The following ZNF385D variants were observed in gnomAD, a reference collection of about 807,000 sequenced individuals.
ZNF385D encodes zinc finger protein 385D, also known as zinc finger protein 659.
In ZNF385D, 15 loss-of-function variants were observed where a neutral mutation model predicts 35.8. The observed-to-expected ratio is 0.42, with a 90% CI of 0.28 to 0.64. The LOEUF is 0.64. Ranked by LOEUF, ZNF385D falls within the 30% of genes least tolerant of loss-of-function variation. The pLI, the probability that ZNF385D is intolerant of heterozygous loss-of-function variation, is 0.23. For missense variants in ZNF385D, 474 were observed against 494.6 expected, an observed-to-expected ratio of 0.96 and a Z score of 0.39; for synonymous variants, 212 against 186.8, an observed-to-expected ratio of 1.13 and a Z score of -1.10.
intron 3 of ZNF385D, among the ~76,000 whole-genome samples, chr3:22,045,808 C>G (rs1179837924): frequency 6.6e-6 from 1 of 152,014 alleles, no homozygotes; most frequent in Non-Finnish European, 1.5e-5. Context: ...CTGGCGATTT[C>G]TATAAGGCTA....
intron 1 of ZNF385D, among the ~76,000 whole-genome samples, chr3:21,688,498 C>T (rs1223381475): frequency 2.0e-5 from 3 of 152,104 alleles, no homozygotes; most frequent in African/African-American, 7.2e-5. Context: ...TGACATTATT[C>T]ATTAATTATC....
intron 3 of ZNF385D, among the ~76,000 whole-genome samples, chr3:22,083,453 T>C (rs9849781): frequency 0.016 from 2,359 of 151,668 alleles, 61 homozygotes; most frequent in African/African-American, 0.053. Flanking sequence ...CTTCAGTAGC[T>C]GATTCGATCA....
intron 3 of ZNF385D, among the ~76,000 whole-genome samples, chr3:22,158,614 A>G (rs941329595): frequency 6.6e-6 from 1 of 152,046 alleles, no homozygotes; most frequent in African/African-American, 2.4e-5. Flanking sequence ...GAAAAACTCA[A>G]AATTAATATT....
rs1195677737 is a variant in ZNF385D, at chr3:22,324,320, A to C, written c.106+48130T>G. On this transcript the variant is annotated intron_variant, in intron 2 of 5. Coordinates refer to the ZNF385D transcript ENST00000494108. ...TTTGTAACTAGTATTAAGCAGTAGA[A>C]CAACAACACACAATATTTAGGAAAC... Among the ~76,000 whole-genome samples, 4 of 152,150 alleles carry C rather than the reference A, an allele frequency of 2.6e-5. No homozygotes were observed. In the East Asian group the frequency reaches 7.7e-4, roughly 29 times the overall value.
intron 3 of ZNF385D, among the ~76,000 whole-genome samples, chr3:22,091,149 T>C (rs1701311983): frequency 6.6e-6 from 1 of 152,160 alleles, no homozygotes; most frequent in African/African-American, 2.4e-5. Context: ...TGTTAGCTTG[T>C]AAAGCTGCAG....
intron 2 of ZNF385D, among the ~76,000 whole-genome samples, chr3:22,243,813 G>C (rs192871652): frequency 2.4e-4 from 36 of 150,878 alleles, no homozygotes; most frequent in African/African-American, 7.8e-4. Context: ...AGAGGAGATG[G>C]TCAGTACTCC....
intron 2 of ZNF385D, among the ~76,000 whole-genome samples, chr3:21,661,103 A>T (rs56910054): frequency 0.092 from 14,079 of 152,244 alleles, 767 homozygotes; most frequent in East Asian, 0.17. Context: ...TCCATGAAAG[A>T]GAACGGAAAA....
chr3:21,955,104 GA>G, intron 3 of ZNF385D, among the ~76,000 whole-genome samples: 2 of 152,236 alleles, frequency 1.3e-5, no homozygotes, highest in Admixed American at 1.3e-4. Flanking sequence ...GCATCATTGT[GA>G]AAAGGTATGA....
At chr3:21,499,341 A>G (rs941693160) in intron 4 of ZNF385D, among the ~76,000 whole-genome samples, 1 of 152,054 alleles carries the variant, frequency 6.6e-6, no homozygotes, top group Non-Finnish European at 1.5e-5. Context: ...ATGTGGATGG[A>G]GGCGGGGGCC....
chr3:22,123,940 CTCTCTCTCTCTCTCTCTCTCTCTATA>C (rs1185506158), intron 3 of ZNF385D, among the ~76,000 whole-genome samples: 1 of 97,224 alleles, frequency 1.0e-5, no homozygotes, highest in Non-Finnish European at 2.1e-5. Context: ...CTCTCTCTCT[CTCTCTCTCTCTCTCTCTCTCTCTATA>C]TATATATATA....
chr3:21,550,132 A>G (rs1185726551), intron 3 of ZNF385D, among the ~76,000 whole-genome samples: 1 of 152,170 alleles, frequency 6.6e-6, no homozygotes, highest in Non-Finnish European at 1.5e-5. Context: ...TATAAAATTC[A>G]AGCATACTTA....
chr3:22,101,313 GAGAT>G (rs1701931303), intron 3 of ZNF385D, among the ~76,000 whole-genome samples: 1 of 152,034 alleles, frequency 6.6e-6, no homozygotes, highest in Admixed American at 6.6e-5. Context: ...TGTAGATAGA[GAGAT>G]AGAAGTAGGT....
intron 3 of ZNF385D, among the ~76,000 whole-genome samples, chr3:21,972,167 A>G (rs944812328): frequency 6.6e-6 from 1 of 152,062 alleles, no homozygotes; most frequent in African/African-American, 2.4e-5. Context: ...TTTTCTCAGC[A>G]TATGAATCAT....
At chr3:21,716,937 C>A (rs1575521329) in intron 1 of ZNF385D, among the ~76,000 whole-genome samples, 1 of 152,062 alleles carries the variant, frequency 6.6e-6, no homozygotes, top group Non-Finnish European at 1.5e-5. Flanking sequence ...TCCTGGCCAA[C>A]ATGGTGAAAC....
At chr3:21,502,839 T>G (rs1201073949) in intron 4 of ZNF385D, among the ~76,000 whole-genome samples, 1 of 152,148 alleles carries the variant, frequency 6.6e-6, no homozygotes, top group Non-Finnish European at 1.5e-5. Flanking sequence ...CATGAGCCAG[T>G]GCTAAGAAAA....
intron 4 of ZNF385D, among the ~76,000 whole-genome samples, chr3:21,510,285 G>A (rs553329023): frequency 6.6e-6 from 1 of 152,100 alleles, no homozygotes; most frequent in Non-Finnish European, 1.5e-5. Flanking sequence ...ATTTCACCGT[G>A]AAGCCTCTGT....
chr3:21,944,647 A>G (rs1225594717), intron 3 of ZNF385D, among the ~76,000 whole-genome samples: 2 of 152,216 alleles, frequency 1.3e-5, no homozygotes, highest in African/African-American at 2.4e-5. Flanking sequence ...GGGTGGGAGA[A>G]TAACTAGGTT....
At chr3:22,115,495 G>T (rs547475121) in intron 3 of ZNF385D, among the ~76,000 whole-genome samples, 2 of 152,054 alleles carry the variant, frequency 1.3e-5, no homozygotes, top group African/African-American at 2.4e-5. Flanking sequence ...ATTTTATAGA[G>T]AATGAAAGAA....
intron 2 of ZNF385D, among the ~76,000 whole-genome samples, chr3:21,617,786 T>A (rs1372974920): frequency 3.3e-5 from 5 of 152,190 alleles, no homozygotes; most frequent in Admixed American, 1.3e-4. Flanking sequence ...TGTTTGAGAC[T>A]GCATGGTGGA....
Sources: gnomAD v4.1 joint callset for allele counts (sites outside exome capture counted in the v4.1 genomes callset) on GRCh38, gnomAD v4.1.1 for gene constraint, MANE v1.5 for transcripts, NCBI Gene and HGNC (gene_info 2026-07-23, HGNC 2026-07-21) for gene names.